The following BMP6 variants were observed in gnomAD, a reference collection of about 807,000 sequenced individuals.
The protein encoded by BMP6 is VG-1-R.
BMP6 carries 17 observed loss-of-function variants against 54.1 expected under a neutral mutation model. The observed-to-expected ratio is 0.31, with a 90% CI of 0.22 to 0.47. The LOEUF is 0.47. BMP6 is among the 20% of genes least tolerant of loss of function. BMP6 has a pLI of 1.00. For missense variants in BMP6, 720 were observed against 690.4 expected (o/e 1.04, Z -0.48); for synonymous variants, 328 against 291.2 (o/e 1.13, Z -1.28).
chr6:7,780,281 C>T (rs1395564076), intron 1 of BMP6, among the ~76,000 whole-genome samples: 3 of 152,006 alleles, frequency 2.0e-5, no homozygotes, highest in Non-Finnish European at 4.4e-5. Flanking sequence ...GGCACGGTGG[C>T]TCATGCATGT....
chr6:7,868,368 C>T (rs1352864802), intron 4 of BMP6, among the ~76,000 whole-genome samples: 1 of 152,188 alleles, frequency 6.6e-6, no homozygotes, highest in Non-Finnish European at 1.5e-5. Flanking sequence ...AATCAAAACC[C>T]CAGTGTGGTC....
intron 1 of BMP6, among the ~76,000 whole-genome samples, chr6:7,752,650 G>A (rs762559383): frequency 1.3e-5 from 2 of 151,444 alleles, no homozygotes; most frequent in Non-Finnish European, 2.9e-5. Context: ...CTTCAGGAAG[G>A]TGCTTTTAGT....
chr6:7,811,239 G>A (rs978803617), intron 1 of BMP6, among the ~76,000 whole-genome samples: 4 of 152,190 alleles, frequency 2.6e-5, no homozygotes, highest in Non-Finnish European at 5.9e-5. Flanking sequence ...CATTCTCAGT[G>A]ACTGTAGCAA....
intron 4 of BMP6, among the ~76,000 whole-genome samples, chr6:7,878,703 A>C (rs550967529): frequency 6.6e-6 from 1 of 152,332 alleles, no homozygotes; most frequent in South Asian, 2.1e-4. Context: ...AATCCTGCCT[A>C]GTAGCGTTGT....
intron 1 of BMP6, among the ~76,000 whole-genome samples, chr6:7,742,081 A>G (rs1168201857): frequency 6.6e-6 from 1 of 152,232 alleles, no homozygotes; most frequent in East Asian, 1.9e-4. Context: ...CGAGAGAATT[A>G]CAAACTGTGA....
At chr6:7,842,793 A>T (rs971186609) in intron 1 of BMP6, among the ~76,000 whole-genome samples, 1 of 152,140 alleles carries the variant, frequency 6.6e-6, no homozygotes, top group African/African-American at 2.4e-5. Context: ...GCTCCTTATA[A>T]CTGAAATATC....
intron 1 of BMP6, among the ~76,000 whole-genome samples, chr6:7,793,996 G>T (rs1758151949): frequency 6.6e-6 from 1 of 152,166 alleles, no homozygotes; most frequent in African/African-American, 2.4e-5. Flanking sequence ...CTATTCCCCA[G>T]CACAGGATCC....
At chr6:7,732,168 TAAG>T (rs1009383505) in intron 1 of BMP6, among the ~76,000 whole-genome samples, 8 of 152,210 alleles carry the variant, frequency 5.3e-5, no homozygotes, top group African/African-American at 1.7e-4. Context: ...TACCTGTACT[TAAG>T]AAGATTTTTG....
At chr6:7,816,752 A>AT (rs965137956) in intron 1 of BMP6, among the ~76,000 whole-genome samples, 3 of 152,012 alleles carry the variant, frequency 2.0e-5, no homozygotes, top group African/African-American at 4.8e-5. Context: ...TTTTTCTTCT[A>AT]TTTTTTAACC....
chr6:7,848,837 AAT>A (rs2113259291), intron 2 of BMP6, among the ~76,000 whole-genome samples: 1 of 152,282 alleles, frequency 6.6e-6, no homozygotes, highest in East Asian at 1.9e-4. Flanking sequence ...TGGTGTTATA[AAT>A]CATTGTGTCC....
intron 1 of BMP6, among the ~76,000 whole-genome samples, chr6:7,813,479 A>AAAC (rs1758472025): frequency 6.9e-6 from 1 of 145,814 alleles, no homozygotes; most frequent in Non-Finnish European, 1.5e-5. Context: ...AAAAAAAAAA[A>AAAC]AACTATTTAA....
chr6:7,757,756 A>G (rs1051492193), intron 1 of BMP6, among the ~76,000 whole-genome samples: 1 of 152,174 alleles, frequency 6.6e-6, no homozygotes, highest in Non-Finnish European at 1.5e-5. Context: ...CTACCTGGTA[A>G]TCTGTGAGTG....
intron 1 of BMP6, among the ~76,000 whole-genome samples, chr6:7,844,438 G>T (rs1759027271): frequency 6.6e-6 from 1 of 151,490 alleles, no homozygotes; most frequent in Admixed American, 6.6e-5. Context: ...TCTACATGCA[G>T]ATTAAATGGG....
At position 7,829,747 on chromosome 6, in the gene BMP6, C is replaced by T. The variant is rs376850429; in HGVS notation, c.665-15393C>T. 2.7e-4 allele frequency among the ~76,000 whole-genome samples: 41 copies of T among 152,178 alleles called. No homozygotes were observed. The Middle Eastern group carries it at 0.014, about 50-fold the overall frequency. On this transcript the variant is annotated intron_variant, in intron 1 of 6. Coordinates refer to ENST00000283147, the MANE Select transcript of BMP6 (RefSeq NM_001718.6). ...TCTGGTGCCATGTAGCACTGTTGGG[C>T]GTCTGCAGAGCATTTTGGTCACAGG...
intron 4 of BMP6, among the ~76,000 whole-genome samples, chr6:7,872,814 C>CT (rs55666956): frequency 0.41 from 55,164 of 133,764 alleles, 12,031 homozygotes; most frequent in East Asian, 0.75. Flanking sequence ...CTTTTTTTTT[C>CT]TTTTTTTTTT....
intron 2 of BMP6, among the ~76,000 whole-genome samples, chr6:7,848,491 C>T (rs570960433): frequency 3.3e-5 from 5 of 152,266 alleles, no homozygotes; most frequent in South Asian, 4.2e-4. Flanking sequence ...ATTTCATCCT[C>T]GGTCAGTCAG....
In BMP6 at chr6:7,778,919, A is replaced by G. The variant is rs1310936576; in HGVS notation, c.664+51300A>G. Among the ~76,000 whole-genome samples, 5 of 152,182 alleles carry G rather than the reference A, an allele frequency of 3.3e-5. No individual in the cohort carries two copies. The East Asian group carries it at 9.6e-4, about 29-fold the overall frequency. ...ACTGATTATTTTCTCCAGTATTCGT[A>G]TCCTATTTCTCCAACAAGATTATAC... is the stretch of plus-strand genomic sequence containing the variant. On this transcript the variant is annotated intron_variant, in intron 1 of 6. Coordinates refer to ENST00000283147, the MANE Select transcript of BMP6 (RefSeq NM_001718.6).
At chr6:7,867,272 T>C (rs1759439600) in intron 4 of BMP6, among the ~76,000 whole-genome samples, 1 of 152,232 alleles carries the variant, frequency 6.6e-6, no homozygotes. Flanking sequence ...CATTCAGGGA[T>C]ACTCCTGACC....
intron 1 of BMP6, among the ~76,000 whole-genome samples, chr6:7,767,644 A>G (rs1452818536): frequency 6.6e-6 from 1 of 152,232 alleles, no homozygotes; most frequent in African/African-American, 2.4e-5. Flanking sequence ...CAAGCCAGAG[A>G]TAATTTCTTA....
Sources: gnomAD v4.1 joint callset for allele counts (sites outside exome capture counted in the v4.1 genomes callset) on GRCh38, gnomAD v4.1.1 for gene constraint, MANE v1.5 for transcripts, NCBI Gene and HGNC (gene_info 2026-07-23, HGNC 2026-07-21) for gene names.